PCDHGA2: variants seen among roughly 807,000 people sequenced by gnomAD.
PCDHGA2 encodes the protein protocadherin gamma subfamily A, 2.
In PCDHGA2, 40 loss-of-function variants were observed where a neutral mutation model predicts 59.2. The ratio of observed to expected loss-of-function variants is 0.68; its 90% CI spans 0.52 to 0.88. PCDHGA2 has a LOEUF of 0.88. Ranked by LOEUF, PCDHGA2 falls within the 40% of genes least tolerant of loss-of-function variation. The pLI, the probability that PCDHGA2 is intolerant of heterozygous loss-of-function variation, is 0.00. For missense variants in PCDHGA2, 1,226 were observed against 1,204.0 expected (o/e 1.02, Z -0.27); for synonymous variants, 560 against 526.0 (o/e 1.06, Z -0.89).
intron 1 of PCDHGA2, chr5:141,386,033 G>A (rs1205491473): frequency 1.3e-5 from 2 of 152,154 alleles, no homozygotes; most frequent in Admixed American, 6.6e-5. Flanking sequence ...TTGTGACATA[G>A]GCAATTACAT....
chr5:141,385,086 A>G, intron 1 of PCDHGA2: 1 of 1,614,206 alleles, frequency 6.2e-7, no homozygotes, highest in African/African-American at 1.3e-5. Context: ...AGGCTTCAGA[A>G]GGTGGCTTGG....
chr5:141,433,108 G>A (rs2097568903), intron 1 of PCDHGA2: 2 of 1,614,146 alleles, frequency 1.2e-6, no homozygotes, highest in East Asian at 2.2e-5. Context: ...TCAGCCAGGA[G>A]AGCTTTGAAA....
At chr5:141,385,503 C>A in intron 1 of PCDHGA2, 1 of 1,379,554 alleles carries the variant, frequency 7.2e-7, no homozygotes, top group Non-Finnish European at 9.4e-7. Context: ...TATAGTATTT[C>A]TTTAGTGAAA....
intron 1 of PCDHGA2, among the ~76,000 whole-genome samples, chr5:141,444,558 T>C (rs2098440789): frequency 6.6e-6 from 1 of 152,190 alleles, no homozygotes; most frequent in African/African-American, 2.4e-5. Context: ...AAGGCACTTA[T>C]TTGACACTTT....
At position 141,356,571 on chromosome 5, in the gene PCDHGA2, C is replaced by T. The variant is rs775921422; in HGVS notation, c.2424+15176C>T. The stretch of plus-strand genomic sequence containing the variant: ...CACCCACTTTCCCTCATGCTTCCTA[C>T]TCTGCTTACATTCCTGAAAACAACC... On this transcript the variant is annotated intron_variant, in intron 1 of 3. Coordinates refer to ENST00000394576, the MANE Select transcript of PCDHGA2 (RefSeq NM_018915.4). 5.0e-6 allele frequency: 8 copies of T among 1,614,186 alleles called. No individual in the cohort carries two copies. The East Asian group carries it at 8.9e-5, about 18-fold the overall frequency.
At chr5:141,347,052 CTCCTTCCT>C (rs751921344) in intron 1 of PCDHGA2, among the ~76,000 whole-genome samples, 2 of 140,260 alleles carry the variant, frequency 1.4e-5, no homozygotes, top group African/African-American at 5.4e-5. Context: ...TCTCTCTTTC[CTCCTTCCT>C]TCCTTCCTTC....
At position 141,511,410 on chromosome 5, in the gene PCDHGA2, T is replaced by A; in HGVS notation, c.*237T>A. The stretch of plus-strand genomic sequence containing the variant: ...GGAACCCCCATCCAATCAACTGCTG[T>A]ACCCATGGGGGTAGTGGGGTTACTG... On this transcript the variant is annotated 3_prime_UTR_variant, in exon 4 of 4. Coordinates refer to ENST00000394576, the MANE Select transcript of PCDHGA2 (RefSeq NM_018915.4). 1 of 908,820 alleles carries A rather than the reference T, an allele frequency of 1.1e-6. No individual in the cohort carries two copies. The highest frequency in any genetic ancestry group is 1.6e-6 in the Non-Finnish European group (1 of 624,202). 56.3% of individuals were successfully genotyped at this position (908,820 alleles called of 1,614,324 possible). A position where few individuals can be genotyped will look rare whatever the true frequency, so the allele number is the denominator to read the frequency against.
chr5:141,389,346 T>G (rs779015878), intron 1 of PCDHGA2: 1 of 1,613,984 alleles, frequency 6.2e-7, no homozygotes. Flanking sequence ...AGTCTCTTAC[T>G]GCATCATGGC....
chr5:141,340,510 A>G lies in PCDHGA2; in HGVS notation c.1539A>G (p.Val513=). 6.2e-7 allele frequency: 1 copy of G among 1,614,146 alleles called. No individual in the cohort carries two copies. Among genetic ancestry groups the G allele is most frequent in the Non-Finnish European group, 8.5e-7 (1 of 1,180,016 alleles). Reference sequence around the variant, plus strand: ...TCTCTATCAACTCCGACACTGGAGTACTCTATGCACTGCGCTCCTTTGATT... The same window carrying G: ...TCTCTATCAACTCCGACACTGGAGTGCTCTATGCACTGCGCTCCTTTGATT... The part of the protein sequence containing the change: ...SYISINSDTG[V]LYALRSFDYE... The change falls in exon 1 of 4, where the codon GTA becomes GTG. Residue 513 remains valine (V), a synonymous_variant. Transcript: ENST00000394576.
Position 141,494,864 on chromosome 5 carries a change from G to T in PCDHGA2, c.2482G>T (p.Gly828Cys), listed in dbSNP as rs773899530. 12 of 1,613,950 alleles carry T rather than the reference G, an allele frequency of 7.4e-6. No individual in the cohort carries two copies. Among genetic ancestry groups the T allele is most frequent in the South Asian group, 1.1e-5 (1 of 91,080 alleles). ...TCAGGCCCAGAGACCCGGCACCAGC[G>T]GGTAGGTGACTGATTCTCCAGCCCA... Reference protein sequence around the residue: ...FSQAQRPGTSGSQNGDDTGTW... With the variant: ...FSQAQRPGTSCSQNGDDTGTW... Residue 828 changes from glycine to cysteine, a missense_variant and splice_region_variant, in exon 2 of 4, where the codon GGC becomes TGC. Physicochemically the swap from Gly to Cys is radical, Grantham distance 159 (BLOSUM62 -3). Coordinates refer to ENST00000394576, the MANE Select transcript of PCDHGA2 (RefSeq NM_018915.4).
rs1314264090 is a variant in PCDHGA2, at chr5:141,490,459, C to T, written c.2425-4348C>T. 7 of 1,614,100 alleles carry T rather than the reference C, an allele frequency of 4.3e-6. No homozygotes were observed. Among genetic ancestry groups the T allele is most frequent in the Non-Finnish European group, 5.9e-6 (7 of 1,180,040 alleles). ...GCCTTCTGAGAACCACTACTCGCTG[C>T]TAACCAGCCAGCCTTTGGACCGGGA... On this transcript the variant is annotated intron_variant, in intron 1 of 3. Coordinates refer to ENST00000394576, the MANE Select transcript of PCDHGA2 (RefSeq NM_018915.4). The surrounding 1 kb of genome is among the most constrained non-coding windows in gnomAD (Gnocchi z 5.4).
chr5:141,360,903 G>C (rs752031820), intron 1 of PCDHGA2: 2 of 1,614,034 alleles, frequency 1.2e-6, no homozygotes, highest in East Asian at 4.5e-5. Context: ...AGGACGTGCC[G>C]CCGGGCTTCT....
At chr5:141,505,106 G>A (rs934779049) in intron 2 of PCDHGA2, among the ~76,000 whole-genome samples, 1 of 152,188 alleles carries the variant, frequency 6.6e-6, no homozygotes, top group Non-Finnish European at 1.5e-5. Context: ...ATGTTGCAAT[G>A]AGCCAAGATC....
intron 1 of PCDHGA2, chr5:141,351,865 C>T: frequency 1.9e-6 from 3 of 1,613,246 alleles, no homozygotes; most frequent in Non-Finnish European, 1.7e-6. Flanking sequence ...ACCAGGGCTC[C>T]CCCGCGCTCA....
At chr5:141,352,816 C>A in intron 1 of PCDHGA2, 1 of 816,730 alleles carries the variant, frequency 1.2e-6, no homozygotes, top group Non-Finnish European at 1.9e-6. Context: ...ATGGTAAAAC[C>A]CGGTCTACTA....
intron 1 of PCDHGA2, chr5:141,394,967 C>T: frequency 6.2e-7 from 1 of 1,613,950 alleles, no homozygotes; most frequent in Non-Finnish European, 8.5e-7. Flanking sequence ...GGCTGAGGCG[C>T]TGGCACAAGT....
intron 1 of PCDHGA2, among the ~76,000 whole-genome samples, chr5:141,444,786 T>C (rs1252217349): frequency 6.6e-6 from 1 of 152,226 alleles, no homozygotes; most frequent in Non-Finnish European, 1.5e-5. Context: ...CATGTTTCAT[T>C]TGTCTATTCT....
chr5:141,406,415 GC>G (rs2094806009), intron 1 of PCDHGA2, among the ~76,000 whole-genome samples: 1 of 152,164 alleles, frequency 6.6e-6, no homozygotes, highest in Non-Finnish European at 1.5e-5. Flanking sequence ...ACAGCTGAAA[GC>G]CCAGATTTAT....
intron 1 of PCDHGA2, chr5:141,427,790 C>A: frequency 1.3e-6 from 2 of 1,482,222 alleles, no homozygotes; most frequent in Non-Finnish European, 1.9e-6. Context: ...TGTCGTCCTA[C>A]GTGTCCGTGA....
Sources: allele counts gnomAD v4.1 joint callset (sites outside exome capture counted in the v4.1 genomes callset), GRCh38; gene constraint gnomAD v4.1.1; non-coding constraint Gnocchi (gnomAD v3.1); transcripts MANE v1.5; gene names NCBI Gene and HGNC (gene_info 2026-07-23, HGNC 2026-07-21).